SLC35F1: variants seen among roughly 807,000 people sequenced by gnomAD.
The protein encoded by SLC35F1 is solute carrier family 35 member F1, also known as chromosome 6 open reading frame 169.
A neutral mutation model predicts 48.7 loss-of-function variants in SLC35F1; 14 were observed. The ratio of observed to expected loss-of-function variants is 0.29; its 90% CI spans 0.19 to 0.45. The LOEUF is 0.45. Ranked by LOEUF, SLC35F1 falls within the 20% of genes least tolerant of loss-of-function variation. The pLI, the probability that SLC35F1 is intolerant of heterozygous loss-of-function variation, is 1.00. For synonymous variants in SLC35F1, 190 were observed against 202.2 expected (o/e 0.94, Z 0.51); for missense variants, 404 against 500.0 (o/e 0.81, Z 1.83).
chr6:118,281,727 G>A (rs1189981250), intron 6 of SLC35F1, among the ~76,000 whole-genome samples: 5 of 152,048 alleles, frequency 3.3e-5, no homozygotes, highest in Admixed American at 6.6e-5. Context: ...TAATCTTCAG[G>A]TTGTCTCACC....
intron 1 of SLC35F1, among the ~76,000 whole-genome samples, chr6:118,130,460 G>A (rs1251689513): frequency 6.6e-6 from 1 of 152,126 alleles, no homozygotes; most frequent in Non-Finnish European, 1.5e-5. Flanking sequence ...GACAGAGCAA[G>A]ACTCCATCTC....
intron 1 of SLC35F1, among the ~76,000 whole-genome samples, chr6:118,059,288 A>G (rs991327889): frequency 4.6e-5 from 7 of 152,210 alleles, no homozygotes; most frequent in Non-Finnish European, 8.8e-5. Flanking sequence ...AACCCACTTC[A>G]TGCCTGGGTA....
At chr6:117,948,832 A>C (rs1252437040) in intron 1 of SLC35F1, among the ~76,000 whole-genome samples, 1 of 152,118 alleles carries the variant, frequency 6.6e-6, no homozygotes, top group Non-Finnish European at 1.5e-5. Flanking sequence ...TACTTCACGC[A>C]AGAGATAATA....
intron 1 of SLC35F1, among the ~76,000 whole-genome samples, chr6:117,949,880 C>A (rs115565118): frequency 0.015 from 2,308 of 152,126 alleles, 60 homozygotes; most frequent in African/African-American, 0.052. Context: ...GGGTGGTCTA[C>A]GCACTTGATA....
intron 1 of SLC35F1, among the ~76,000 whole-genome samples, chr6:118,086,577 C>G (rs1772993842): frequency 1.3e-5 from 2 of 152,212 alleles, no homozygotes; most frequent in Admixed American, 1.3e-4. Context: ...AAAGGTTTTA[C>G]TTGCAGCTAC....
chr6:118,007,813 G>A (rs1777193485), intron 1 of SLC35F1, among the ~76,000 whole-genome samples: 1 of 152,130 alleles, frequency 6.6e-6, no homozygotes, highest in African/African-American at 2.4e-5. Flanking sequence ...CTTGGCTCAT[G>A]TTGGAGAATT....
rs373976584 is a variant in SLC35F1, at chr6:118,095,149, C to T, written c.174-59296C>T. Among the ~76,000 whole-genome samples, 12 of 152,176 alleles carry T rather than the reference C, an allele frequency of 7.9e-5. No individual in the cohort carries two copies. The South Asian group carries it at 1.5e-3, about 18-fold the overall frequency. Reference sequence around the variant, plus strand: ...TCTGTCTCAAAAAGAAAAGAGAAGGCGGATAATTGGCCATTGTATTTGACA... The same window carrying T: ...TCTGTCTCAAAAAGAAAAGAGAAGGTGGATAATTGGCCATTGTATTTGACA... On this transcript the variant is annotated intron_variant, in intron 1 of 7. Transcript: ENST00000360388.
At chr6:118,303,604 T>A (rs1346600462) in intron 7 of SLC35F1, among the ~76,000 whole-genome samples, 3 of 152,230 alleles carry the variant, frequency 2.0e-5, no homozygotes, top group African/African-American at 4.8e-5. Flanking sequence ...TGGTACTCTA[T>A]GCTTCTCTGA....
At chr6:117,985,271 T>C (rs1194723900) in intron 1 of SLC35F1, among the ~76,000 whole-genome samples, 1 of 152,252 alleles carries the variant, frequency 6.6e-6, no homozygotes, top group African/African-American at 2.4e-5. Flanking sequence ...AAGAATATCC[T>C]GAGTCAAATT....
chr6:118,164,025 T>C (rs1321461197), intron 2 of SLC35F1, among the ~76,000 whole-genome samples: 1 of 152,244 alleles, frequency 6.6e-6, no homozygotes, highest in Non-Finnish European at 1.5e-5. Flanking sequence ...AATAATTATC[T>C]CTGGATCATA....
chr6:118,017,914 A>G (rs1299613721), intron 1 of SLC35F1, among the ~76,000 whole-genome samples: 1 of 152,210 alleles, frequency 6.6e-6, no homozygotes, highest in African/African-American at 2.4e-5. Flanking sequence ...AAACTGGCAT[A>G]GTAACAGTTC....
intron 7 of SLC35F1, among the ~76,000 whole-genome samples, chr6:118,289,398 T>C (rs1289376398): frequency 6.6e-6 from 1 of 152,232 alleles, no homozygotes; most frequent in African/African-American, 2.4e-5. Context: ...ATAACATGTT[T>C]AGTTTTTATA....
At chr6:118,094,559 C>T (rs915650613) in intron 1 of SLC35F1, among the ~76,000 whole-genome samples, 2 of 152,122 alleles carry the variant, frequency 1.3e-5, no homozygotes, top group African/African-American at 2.4e-5. Context: ...AATTCTAAGA[C>T]TCTTCCACTT....
intron 1 of SLC35F1, among the ~76,000 whole-genome samples, chr6:117,966,928 G>A (rs907924367): frequency 5.9e-5 from 9 of 152,212 alleles, no homozygotes; most frequent in African/African-American, 1.7e-4. Flanking sequence ...ATCACAAGAG[G>A]GTAGGGCTGT....
intron 1 of SLC35F1, among the ~76,000 whole-genome samples, chr6:118,026,888 C>A (rs990448069): frequency 6.6e-6 from 1 of 152,110 alleles, no homozygotes; most frequent in African/African-American, 2.4e-5. Context: ...TTGGCAAATG[C>A]ACTTAATTCT....
intron 2 of SLC35F1, among the ~76,000 whole-genome samples, chr6:118,190,572 G>C (rs1774718574): frequency 6.6e-6 from 1 of 152,056 alleles, no homozygotes; most frequent in Admixed American, 6.6e-5. Context: ...CATAGGTTTG[G>C]TATCCTCATG....
chr6:117,937,662 C>T (rs926611001), intron 1 of SLC35F1, among the ~76,000 whole-genome samples: 1 of 152,054 alleles, frequency 6.6e-6, no homozygotes, highest in Non-Finnish European at 1.5e-5. Context: ...AAAAACAAAA[C>T]GTAGAAGAAT....
intron 7 of SLC35F1, among the ~76,000 whole-genome samples, chr6:118,295,073 T>C (rs1474763567): frequency 6.6e-6 from 1 of 152,076 alleles, no homozygotes; most frequent in Non-Finnish European, 1.5e-5. Context: ...AGGACAGGTG[T>C]AGAGCTCCAC....
rs1335606280 is a variant in SLC35F1 at position 118,314,885 on chromosome 6, GA to G, written c.*634del. The G allele has an allele frequency of 3.9e-5, 6 of 153,096 alleles. No individual in the cohort carries two copies. The highest frequency in any genetic ancestry group is 1.4e-4 in the African/African-American group (6 of 41,414). 9.5% of individuals were successfully genotyped at this position (153,096 alleles called of 1,614,324 possible). ...CATATACTTCTCTATTCTAGGAATA[GA>G]TATAAAAGAAACATTTTAGCCTTTT... On this transcript the variant is annotated 3_prime_UTR_variant, in exon 8 of 8. Transcript: ENST00000360388.
Sources: allele counts gnomAD v4.1 joint callset (sites outside exome capture counted in the v4.1 genomes callset), GRCh38; gene constraint gnomAD v4.1.1; transcripts MANE v1.5; gene names NCBI Gene and HGNC (gene_info 2026-07-23, HGNC 2026-07-21).